The following LIMA1 variants were observed in gnomAD, a reference collection of about 807,000 sequenced individuals.
LIMA1 encodes the protein LIM domain and actin binding 1, also known as LIM domain and actin-binding protein 1.
LIMA1 carries 52 observed loss-of-function variants against 62.6 expected under a neutral mutation model. That is an observed-to-expected ratio of 0.83 (90% CI 0.67 to 1.05). LIMA1 has a LOEUF of 1.05. LIMA1 is among the 50% of genes least tolerant of loss of function. The pLI, the probability that LIMA1 is intolerant of heterozygous loss-of-function variation, is 0.00. For synonymous variants in LIMA1, 302 were observed against 317.8 expected (o/e 0.95, Z 0.53); for missense variants, 780 against 902.2 (o/e 0.86, Z 1.74).
At chr12:50,193,585 GTATATATGATATATATATACATGTA>G in intron 8 of LIMA1, among the ~76,000 whole-genome samples, 1 of 108,912 alleles carries the variant, frequency 9.2e-6, no homozygotes, top group Middle Eastern at 6.5e-3. Context: ...ATATATACAT[GTATATATGATATATATATACATGTA>G]TATATATATA....
chr12:50,224,417 A>G (rs1470130987), intron 3 of LIMA1: 2 of 152,212 alleles, frequency 1.3e-5, no homozygotes, highest in Admixed American at 1.3e-4. Context: ...AAGAAGCTTA[A>G]AAAGTTTTCT....
chr12:50,204,416 G>T, intron 6 of LIMA1, 136 bp downstream of exon 6: 3 of 997,080 alleles, frequency 3.0e-6, no homozygotes, highest in East Asian at 2.7e-5. Context: ...CGAGGGTAGG[G>T]TTCATGTGAA....
In LIMA1 at chr12:50,266,640, C is replaced by G. The variant is rs369669967; in HGVS notation, c.-24+16780G>C. Reference sequence around the variant, plus strand: ...GCGGGGTGCATCTACGGCATAAATTCCTAGAAGGAGCATTTCTAGTTTAAA... The same window carrying G: ...GCGGGGTGCATCTACGGCATAAATTGCTAGAAGGAGCATTTCTAGTTTAAA... On this transcript the variant is annotated intron_variant, in intron 1 of 10. Transcript: ENST00000341247. Among the ~76,000 whole-genome samples the G allele has an allele frequency of 3.1e-4, 47 of 152,244 alleles. 1 individual carries two copies. The South Asian group carries it at 9.5e-3, about 31-fold the overall frequency.
At chr12:50,184,623 C>T (rs1227629825) in intron 9 of LIMA1, among the ~76,000 whole-genome samples, 2 of 152,044 alleles carry the variant, frequency 1.3e-5, no homozygotes, top group African/African-American at 4.8e-5. Context: ...GCCTTGGAGA[C>T]AGGGCAAGAC....
intron 2 of LIMA1, among the ~76,000 whole-genome samples, chr12:50,246,303 G>T (rs1323282815): frequency 6.6e-6 from 1 of 151,872 alleles, no homozygotes; most frequent in Non-Finnish European, 1.5e-5. Context: ...TGCATGTCAA[G>T]GGAAAGCCAA....
chr12:50,193,610 A>G (rs11169307), intron 8 of LIMA1, among the ~76,000 whole-genome samples: 29,748 of 82,140 alleles, frequency 0.36, 4,985 homozygotes, highest in East Asian at 0.76. Context: ...ATATACATGT[A>G]TATATATATA....
rs868466076 is a variant in LIMA1, at chr12:50,181,933, G to A, written c.1245C>T (p.Phe415=). 12 of 1,614,048 alleles carry A rather than the reference G, an allele frequency of 7.4e-6. No homozygotes were observed. In the South Asian group the frequency reaches 1.3e-4, roughly 18 times the overall value. ...ANQQVFHISC[F]RCSYCNNKLS... ...GTTTGTTGTTGCAATAGGAGCAACGGAAGCAGCTGATGTGAAACACCTGCT... is the reference window on the plus strand; with the variant it reads ...GTTTGTTGTTGCAATAGGAGCAACGAAAGCAGCTGATGTGAAACACCTGCT... Residue 415 remains phenylalanine (F), a synonymous_variant, in exon 10 of 11, where the codon TTC becomes TTT. Coordinates refer to ENST00000341247, the MANE Select transcript of LIMA1 (RefSeq NM_016357.5).
intron 9 of LIMA1, chr12:50,187,296 A>G (rs182901605): frequency 6.6e-6 from 1 of 152,200 alleles, no homozygotes; most frequent in Non-Finnish European, 1.5e-5. Context: ...GATGTTAACT[A>G]GCCTTTAGAC....
intron 1 of LIMA1, among the ~76,000 whole-genome samples, chr12:50,270,604 C>CAAAAAAAAAAAAAAAAAAAAAAAAAAA (rs150300834): frequency 1.4e-5 from 1 of 71,696 alleles, no homozygotes; most frequent in Non-Finnish European, 2.6e-5. Flanking sequence ...GACCTTATCT[C>CAAAAAAAAAAAAAAAAAAAAAAAAAAA]AAAAAAAAAA....
At chr12:50,238,279 G>T (rs558431015) in intron 2 of LIMA1, among the ~76,000 whole-genome samples, 8 of 152,098 alleles carry the variant, frequency 5.3e-5, no homozygotes, top group African/African-American at 1.9e-4. Flanking sequence ...GGCCAAGGTG[G>T]GCGGATCATG....
At chr12:50,228,855 G>A (rs562800689) in intron 3 of LIMA1, among the ~76,000 whole-genome samples, 62 of 152,224 alleles carry the variant, frequency 4.1e-4, no homozygotes, top group African/African-American at 1.5e-3. Context: ...ATTTAATTGT[G>A]TTTGGGCCAA....
chr12:50,238,851 C>T (rs762921533), intron 2 of LIMA1, among the ~76,000 whole-genome samples: 38 of 139,362 alleles, frequency 2.7e-4, no homozygotes, highest in South Asian at 6.6e-4. Flanking sequence ...CTCTGTCTCA[C>T]GAAGAAAAAA....
chr12:50,207,465 T>TA (rs1210553949), intron 4 of LIMA1, among the ~76,000 whole-genome samples: 2 of 152,172 alleles, frequency 1.3e-5, no homozygotes, highest in African/African-American at 4.8e-5. Context: ...AACTTGAGGT[T>TA]AAAAAAGATA....
At chr12:50,242,265 G>A (rs1565855623) in intron 2 of LIMA1, among the ~76,000 whole-genome samples, 1 of 151,872 alleles carries the variant, frequency 6.6e-6, no homozygotes, top group Admixed American at 6.6e-5. Flanking sequence ...TTACAGAGAA[G>A]CGAAAGAAGA....
At chr12:50,206,186 C>A in intron 4 of LIMA1, 118 bp from the exon 5 acceptor site, 2 of 733,578 alleles carry the variant, frequency 2.7e-6, no homozygotes, top group Non-Finnish European at 4.2e-6. Flanking sequence ...ATTTTATATT[C>A]TATAGAATTT....
At chr12:50,203,008 CTTT>C (rs11292692) in intron 6 of LIMA1, among the ~76,000 whole-genome samples, 20 of 121,452 alleles carry the variant, frequency 1.6e-4, no homozygotes, top group African/African-American at 2.6e-4. Context: ...AGGTAACTTC[CTTT>C]TTTTTTTTTT....
At chr12:50,185,098 G>C (rs1237848829) in intron 9 of LIMA1, among the ~76,000 whole-genome samples, 1 of 152,152 alleles carries the variant, frequency 6.6e-6, no homozygotes, top group Non-Finnish European at 1.5e-5. Flanking sequence ...CCAAAGTGCT[G>C]GGATTACAGG....
At chr12:50,233,395 A>C (rs919422857) in intron 2 of LIMA1, among the ~76,000 whole-genome samples, 11 of 151,722 alleles carry the variant, frequency 7.3e-5, no homozygotes, top group African/African-American at 2.4e-4. Context: ...TCCCATATTT[A>C]TGCCTGATAT....
intron 3 of LIMA1, among the ~76,000 whole-genome samples, chr12:50,223,957 G>C (rs1941489028): frequency 6.6e-6 from 1 of 151,946 alleles, no homozygotes; most frequent in African/African-American, 2.4e-5. Flanking sequence ...AAAATGGCTT[G>C]AACCTGGGAG....
Sources: gnomAD v4.1 joint callset for allele counts (sites outside exome capture counted in the v4.1 genomes callset) on GRCh38, gnomAD v4.1.1 for gene constraint, MANE v1.5 for transcripts, NCBI Gene and HGNC (gene_info 2026-07-23, HGNC 2026-07-21) for gene names.